Variants in CD164L2 observed in about 807,000 individuals in gnomAD.
CD164L2 encodes the protein CD164 molecule like 2.
Under a neutral mutation model 23.9 loss-of-function variants are expected in CD164L2, and 21 were observed. The observed-to-expected ratio is 0.88, with a 90% CI of 0.62 to 1.27. CD164L2 has a LOEUF of 1.27. CD164L2 is among the 50% of genes most tolerant of loss of function. The pLI is 0.00. For missense variants in CD164L2, 230 were observed against 224.8 expected (o/e 1.02, Z -0.15); for synonymous variants, 92 against 90.2 (o/e 1.02, Z -0.11).
intron 1 of CD164L2, 86 bp downstream of exon 1, chr1:27,383,066 C>T (rs2016371532): frequency 3.4e-6 from 4 of 1,190,076 alleles, no homozygotes; most frequent in Admixed American, 2.1e-5. Context: ...CCCTCAAGCC[C>T]AGGCTGCTCC....
Position 27,379,935 on chromosome 1 carries a change from C to T in CD164L2, c.518+116G>A, listed in dbSNP as rs563847570. ...TGGCTCACATGGAGCACGCTGTCAC[C>T]GTCCTGAGGGCTTGCCCATGGAGAA... On this transcript the variant is annotated intron_variant, in intron 5 of 5. Coordinates refer to ENST00000374030, the MANE Select transcript of CD164L2 (RefSeq NM_001330448.1). 1.0e-5 allele frequency: 16 copies of T among 1,530,062 alleles called. No individual in the cohort carries two copies. The Admixed American group carries it at 1.5e-4, about 14-fold the overall frequency. 94.8% of individuals were successfully genotyped at this position (1,530,062 alleles called of 1,614,324 possible).
chr1:27,381,933 C>T (rs2016343122), intron 3 of CD164L2, 109 bp from the exon 4 acceptor site: 2 of 1,451,150 alleles, frequency 1.4e-6, no homozygotes, highest in Non-Finnish European at 1.9e-6. Context: ...CAGCCCTGTC[C>T]CTACTCTAGA....
At chr1:27,382,453 G>A (rs2016354300) in intron 2 of CD164L2, 47 bp downstream of exon 2, 1 of 1,584,136 alleles carries the variant, frequency 6.3e-7, no homozygotes, top group Non-Finnish European at 8.6e-7. Context: ...AGGGCCTTGG[G>A]GTTCAGAGCT....
Position 27,379,545 on chromosome 1 carries a change from A to G in CD164L2, c.519-36T>C, listed in dbSNP as rs143202334. The G allele has an allele frequency of 3.6e-3, 5,611 of 1,550,554 alleles. 91 individuals carry two copies. The highest frequency in any genetic ancestry group is 0.016 in the East Asian group (653 of 40,912). The stretch of plus-strand genomic sequence containing the variant: ...CAAAGAGGACACTCAGGAAGGTGAC[A>G]CTGCCTCAGCCAGCCAAGGACCCCC... On this transcript the variant is annotated intron_variant, in intron 5 of 5. Coordinates refer to ENST00000374030, the MANE Select transcript of CD164L2 (RefSeq NM_001330448.1).
chr1:27,381,419 A>T (rs1253062211), intron 4 of CD164L2, among the ~76,000 whole-genome samples: 2 of 152,158 alleles, frequency 1.3e-5, no homozygotes, highest in African/African-American at 2.4e-5. Flanking sequence ...AGGGTGCAGT[A>T]GGCAGGCACT....
chr1:27,382,895 C>A (rs2016367515), intron 1 of CD164L2, among the ~76,000 whole-genome samples: 1 of 152,068 alleles, frequency 6.6e-6, no homozygotes, highest in Non-Finnish European at 1.5e-5. Flanking sequence ...CCTTTGCATA[C>A]ACCCGGGGTT....
chr1:27,381,847 G>A (rs1408377995), intron 3 of CD164L2, 23 bp from the exon 4 acceptor site: 1 of 1,613,756 alleles, frequency 6.2e-7, no homozygotes, highest in Non-Finnish European at 8.5e-7. Context: ...GTGATCCATA[G>A]CAAAGCAGCC....
chr1:27,383,158 C>G lies in CD164L2; in HGVS notation c.82G>C (p.Val28Leu). Residue 28 changes from valine (V) to leucine (L), a missense_variant, in exon 1 of 6, where the codon GTG (valine) becomes CTG (leucine). Val to Leu is a conservative substitution (Grantham distance 32). Coordinates refer to ENST00000374030, the MANE Select transcript of CD164L2 (RefSeq NM_001330448.1). The part of the protein sequence containing the change: ...CCLLLCAQLA[V>L]AGKGARGFGR... ...AGACCCTGCCGCGAGTTACCAGCCA[C>G]AGCCAGCTGGGCACATAGGAGGAGG... is the stretch of plus-strand genomic sequence containing the variant. 1 of 1,548,622 alleles carries G rather than the reference C, an allele frequency of 6.5e-7. No homozygotes were observed. The highest frequency in any genetic ancestry group is 8.7e-7 in the Non-Finnish European group (1 of 1,146,554).
At position 27,379,260 on chromosome 1, in the gene CD164L2, G is replaced by A. The variant is rs955755799; in HGVS notation, c.*243C>T. Reference sequence around the variant, plus strand: ...GGCATACAACCCACTGTCAGGCTGGGGGGCCCAGCAGGGGCGATGGAGGAG... The same window carrying A: ...GGCATACAACCCACTGTCAGGCTGGAGGGCCCAGCAGGGGCGATGGAGGAG... On this transcript the variant is annotated 3_prime_UTR_variant, in exon 6 of 6. Transcript: ENST00000374030. The A allele has an allele frequency of 3.4e-6, 2 of 590,260 alleles. No homozygotes were observed. Among genetic ancestry groups the A allele is most frequent in the East Asian group, 2.8e-5 (1 of 35,582 alleles). The allele number at this position is 590,260 out of a possible 1,614,324, so 36.6% of individuals were successfully genotyped here.
intron 3 of CD164L2, 167 bp from the exon 4 acceptor site, chr1:27,381,991 C>A: frequency 7.3e-7 from 1 of 1,369,596 alleles, no homozygotes; most frequent in Non-Finnish European, 9.9e-7. Flanking sequence ...ACCAGATGTG[C>A]TCTCTCTCCA....
chr1:27,382,039 C>T, intron 3 of CD164L2: 4 of 1,463,124 alleles, frequency 2.7e-6, no homozygotes, highest in Non-Finnish European at 3.6e-6. Flanking sequence ...GCCACCTCCT[C>T]CAGGAAGCAC....
At position 27,379,246 on chromosome 1, in the gene CD164L2, C is replaced by A; in HGVS notation, c.*257G>T. ...GGTGGAAAGAGGCAGGCATACAACC[C>A]ACTGTCAGGCTGGGGGGCCCAGCAG... On this transcript the variant is annotated 3_prime_UTR_variant, in exon 6 of 6. Coordinates refer to ENST00000374030, the MANE Select transcript of CD164L2 (RefSeq NM_001330448.1). 1.7e-6 allele frequency: 1 copy of A among 583,068 alleles called. No homozygotes were observed. Among genetic ancestry groups the A allele is most frequent in the Middle Eastern group, 4.6e-4 (1 of 2,190 alleles). The allele number at this position is 583,068 out of a possible 1,614,324, so 36.1% of individuals were successfully genotyped here.
chr1:27,379,754 T>C (rs1383630801), intron 5 of CD164L2: 5 of 1,440,464 alleles, frequency 3.5e-6, no homozygotes, highest in Non-Finnish European at 4.5e-6. Context: ...CAGGCTTGCC[T>C]GGGCTGGCAC....
At position 27,382,385 on chromosome 1, in the gene CD164L2, G is replaced by A; in HGVS notation, c.271C>T (p.Gln91Ter). 6.2e-7 allele frequency: 1 copy of A among 1,610,088 alleles called. No individual in the cohort carries two copies. The highest frequency in any genetic ancestry group is 8.5e-7 in the Non-Finnish European group (1 of 1,177,102). ...CAACCTTCCTTGACCACCTCAGATT[G>A]GGCCACACAGTGTCCTGGTGAGAGA... ...RPEEPGHCVA[Q>*]SEVVKEGCSI... The change falls in exon 3 of 6, where the codon CAA becomes TAA. Residue 91 changes from glutamine (Q) to a stop codon, truncating the protein, a stop_gained. Transcript: ENST00000374030. LOFTEE classifies it high-confidence loss of function.
At position 27,383,300 on chromosome 1, in the gene CD164L2, GC is replaced by G; in HGVS notation, c.-62del. The G allele has an allele frequency of 8.9e-7, 1 of 1,128,852 alleles. No individual in the cohort carries two copies. Among genetic ancestry groups the G allele is most frequent in the South Asian group, 1.4e-5 (1 of 72,050 alleles). The allele number at this position is 1,128,852 out of a possible 1,614,324, so 69.9% of individuals were successfully genotyped here. On this transcript the variant is annotated 5_prime_UTR_variant, in exon 1 of 6. Coordinates refer to ENST00000374030, the MANE Select transcript of CD164L2 (RefSeq NM_001330448.1). ...CGGGATCGGTGGACAGCTGCCGGGCGCGTCCCTCCCAGACTGGGCTCGGCTG... is the reference window on the plus strand; with the variant it reads ...CGGGATCGGTGGACAGCTGCCGGGCGGTCCCTCCCAGACTGGGCTCGGCTG...
rs140375229 is a variant in CD164L2, at chr1:27,382,503, G to T, written c.253C>A (p.Pro85Thr). Residue 85 changes from proline to threonine, a missense_variant, in exon 2 of 6, where the codon CCA (proline) becomes ACA (threonine). Coordinates refer to ENST00000374030, the MANE Select transcript of CD164L2 (RefSeq NM_001330448.1). ...CVWEQCRPEE[P>T]GHCVAQSEVV... ...TGGGGAGGGCTCAGCTCCATACCTG[G>T]CTCCTCTGGCCGGCACTGCTCCCAC... is the stretch of plus-strand genomic sequence containing the variant. The T allele has an allele frequency of 2.1e-5, 34 of 1,601,272 alleles. 1 individual carries two copies. In the African/African-American group the frequency reaches 3.9e-4, roughly 18 times the overall value.
Position 27,379,449 on chromosome 1 carries a change from G to A in CD164L2, c.*54C>T. On this transcript the variant is annotated 3_prime_UTR_variant, in exon 6 of 6. Transcript: ENST00000374030. ...CCGCTTACCCACAAGGGTGCCCAGA[G>A]GCCACCCTCTGCATCCTCCTTTCCC... 1.4e-6 allele frequency: 2 copies of A among 1,393,362 alleles called. No individual in the cohort carries two copies. The highest frequency in any genetic ancestry group is 2.0e-6 in the Non-Finnish European group (2 of 1,004,066). The allele number at this position is 1,393,362 out of a possible 1,614,324, so 86.3% of individuals were successfully genotyped here. A position where few individuals can be genotyped will look rare whatever the true frequency, so the allele number is the denominator to read the frequency against.
At chr1:27,381,139 G>A (rs1461349224) in intron 4 of CD164L2, among the ~76,000 whole-genome samples, 1 of 152,212 alleles carries the variant, frequency 6.6e-6, no homozygotes, top group African/African-American at 2.4e-5. Context: ...TCCCGCTCAG[G>A]GAGCCCCAGA....
Position 27,382,311 on chromosome 1 carries a change from T to A in CD164L2, c.328+17A>T, listed in dbSNP as rs770158372. 2 of 1,614,086 alleles carry A rather than the reference T, an allele frequency of 1.2e-6. No homozygotes were observed. Among genetic ancestry groups the A allele is most frequent in the Non-Finnish European group, 1.7e-6 (2 of 1,179,988 alleles). On this transcript the variant is annotated intron_variant, in intron 3 of 5. Transcript: ENST00000374030. ...GGAGACCCATGCAACTTGGCTTAGG[T>A]GCAAGAACCCCCTTACCTGGACATG...
Sources: allele counts gnomAD v4.1 joint callset (sites outside exome capture counted in the v4.1 genomes callset), GRCh38; gene constraint gnomAD v4.1.1; transcripts MANE v1.5; gene names NCBI Gene and HGNC (gene_info 2026-07-23, HGNC 2026-07-21).